HACE1: variants seen among roughly 807,000 people sequenced by gnomAD.
HACE1 encodes the protein E3 ubiquitin-protein ligase HACE1.
A neutral mutation model predicts 118.4 loss-of-function variants in HACE1; 73 were observed. That is an observed-to-expected ratio of 0.62 (90% CI 0.51 to 0.75). The LOEUF is 0.75. Among genes scored for constraint, HACE1 ranks in the 30% least tolerant of loss-of-function variants. HACE1 has a pLI of 0.00. For synonymous variants in HACE1, 368 were observed against 374.8 expected (o/e 0.98, Z 0.21); for missense variants, 749 against 1,102.2 (o/e 0.68, Z 4.54).
intron 11 of HACE1, among the ~76,000 whole-genome samples, chr6:104,789,198 C>T (rs1306508715): frequency 6.6e-6 from 1 of 152,006 alleles, no homozygotes; most frequent in East Asian, 1.9e-4. Context: ...GATCATTTTG[C>T]CAATCCCCAA....
At chr6:104,783,978 C>T in intron 14 of HACE1, 108 bp downstream of exon 14, 1 of 711,876 alleles carries the variant, frequency 1.4e-6, no homozygotes, top group Admixed American at 2.2e-5. Context: ...GCAATCATTC[C>T]TCTTACAACA....
chr6:104,799,790 G>A (rs773560868), intron 7 of HACE1, among the ~76,000 whole-genome samples: 25 of 152,106 alleles, frequency 1.6e-4, no homozygotes, highest in South Asian at 6.2e-4. Context: ...GAACAGCTCC[G>A]GTCTGCAGCT....
intron 1 of HACE1, chr6:104,858,533 C>G (rs1287976325): frequency 5.4e-6 from 2 of 368,126 alleles, no homozygotes; most frequent in Non-Finnish European, 1.1e-5. Flanking sequence ...GACCTCATCT[C>G]TATAAAAGAA....
chr6:104,829,167 T>C lies in HACE1; in HGVS notation c.534+3875A>G, dbSNP rs533639241. On this transcript the variant is annotated intron_variant, in intron 6 of 23. Transcript: ENST00000262903. Reference sequence around the variant, plus strand: ...TGGTATATGTCTACATGGACACCAGTTCTGAACAACAAAAAGGCCATTCTG... The same window carrying C: ...TGGTATATGTCTACATGGACACCAGCTCTGAACAACAAAAAGGCCATTCTG... 3.9e-5 allele frequency among the ~76,000 whole-genome samples: 6 copies of C among 152,244 alleles called. No homozygotes were observed. The South Asian group carries it at 1.2e-3, about 32-fold the overall frequency.
intron 4 of HACE1, chr6:104,845,718 C>G (rs2115185486): frequency 6.6e-6 from 1 of 152,286 alleles, no homozygotes; most frequent in East Asian, 1.9e-4. Flanking sequence ...ACCTCATAAT[C>G]TGCCCACCTC....
At chr6:104,737,480 G>A (rs1267810827) in intron 22 of HACE1, among the ~76,000 whole-genome samples, 19 of 152,056 alleles carry the variant, frequency 1.2e-4, no homozygotes, top group Non-Finnish European at 1.0e-4. Flanking sequence ...CGCACCGTGC[G>A]CGAGCCGAAG....
intron 19 of HACE1, among the ~76,000 whole-genome samples, chr6:104,765,469 C>T (rs985348144): frequency 2.6e-5 from 4 of 152,144 alleles, no homozygotes; most frequent in Admixed American, 2.6e-4. Context: ...GAGGCAACAA[C>T]AACAAAATAG....
chr6:104,782,348 T>G (rs1781829339), intron 14 of HACE1: 1 of 152,326 alleles, frequency 6.6e-6, no homozygotes, highest in Non-Finnish European at 1.5e-5. Context: ...ATTAGCCAGG[T>G]GTGGTGGTAT....
chr6:104,742,375 A>G (rs1776844058), intron 22 of HACE1, among the ~76,000 whole-genome samples: 1 of 147,194 alleles, frequency 6.8e-6, no homozygotes, highest in South Asian at 2.1e-4. Flanking sequence ...TGAACAGGCA[A>G]CCTACAAAAT....
chr6:104,759,951 G>A (rs1779155029), intron 19 of HACE1, among the ~76,000 whole-genome samples: 1 of 152,138 alleles, frequency 6.6e-6, no homozygotes, highest in African/African-American at 2.4e-5. Flanking sequence ...AAATCCAGAA[G>A]AAATGGATAA....
intron 19 of HACE1, among the ~76,000 whole-genome samples, chr6:104,767,552 A>G (rs937859063): frequency 6.6e-5 from 10 of 152,194 alleles, no homozygotes; most frequent in African/African-American, 2.2e-4. Flanking sequence ...CTGAAATTTG[A>G]TCATGTCATT....
At chr6:104,763,243 T>C (rs1779607683) in intron 19 of HACE1, among the ~76,000 whole-genome samples, 1 of 152,140 alleles carries the variant, frequency 6.6e-6, no homozygotes, top group Non-Finnish European at 1.5e-5. Flanking sequence ...GAAAAAACTG[T>C]AGACTTACAC....
chr6:104,828,970 C>T (rs1176306810), intron 6 of HACE1, among the ~76,000 whole-genome samples: 1 of 151,956 alleles, frequency 6.6e-6, no homozygotes, highest in East Asian at 1.9e-4. Flanking sequence ...GATTAGAAGG[C>T]GAATTTCAGA....
At chr6:104,812,950 C>A (rs1315630145) in intron 6 of HACE1, among the ~76,000 whole-genome samples, 1 of 140,782 alleles carries the variant, frequency 7.1e-6, no homozygotes, top group Non-Finnish European at 1.5e-5. Flanking sequence ...AGTTTATTCT[C>A]TGCACAAAGT....
intron 1 of HACE1, 50 bp from the exon 2 acceptor site, chr6:104,852,421 G>C (rs781538226): frequency 9.1e-7 from 1 of 1,095,550 alleles, no homozygotes. Flanking sequence ...TTGTGCAAGG[G>C]GTGATACTTA....
At chr6:104,854,231 A>C (rs996418477) in intron 1 of HACE1, among the ~76,000 whole-genome samples, 3 of 152,228 alleles carry the variant, frequency 2.0e-5, no homozygotes, top group African/African-American at 7.2e-5. Flanking sequence ...AAACTAAAGA[A>C]CTATCACAGT....
intron 19 of HACE1, among the ~76,000 whole-genome samples, chr6:104,762,243 C>T (rs1315770422): frequency 6.6e-5 from 10 of 152,144 alleles, no homozygotes; most frequent in Admixed American, 6.6e-5. Context: ...TAAAGACACA[C>T]GCACACGTAT....
In HACE1 at chr6:104,859,691, G is replaced by A. The variant is rs769765234; in HGVS notation, c.-49C>T. The A allele has an allele frequency of 1.6e-4, 236 of 1,485,282 alleles. No individual in the cohort carries two copies. The highest frequency in any genetic ancestry group is 1.7e-4 in the Non-Finnish European group (187 of 1,105,838). The allele number at this position is 1,485,282 out of a possible 1,614,324, so 92.0% of individuals were successfully genotyped here. ...TCCGCGATCAGCCGCCCCACCGGCGGCCTCCGCGCCCAGAGCCCTACATCT... is the reference window on the plus strand; with the variant it reads ...TCCGCGATCAGCCGCCCCACCGGCGACCTCCGCGCCCAGAGCCCTACATCT... On this transcript the variant is annotated 5_prime_UTR_variant, in exon 1 of 24. Transcript: ENST00000262903.
At chr6:104,800,390 G>C (rs1770188461) in intron 7 of HACE1, among the ~76,000 whole-genome samples, 1 of 152,198 alleles carries the variant, frequency 6.6e-6, no homozygotes, top group Non-Finnish European at 1.5e-5. Context: ...TTTGAGCTCT[G>C]AGAACGGACA....
Sources: gnomAD v4.1 joint callset for allele counts (sites outside exome capture counted in the v4.1 genomes callset) on GRCh38, gnomAD v4.1.1 for gene constraint, MANE v1.5 for transcripts, NCBI Gene and HGNC (gene_info 2026-07-23, HGNC 2026-07-21) for gene names.